GNG4: variants seen among roughly 807,000 people sequenced by gnomAD.
GNG4 encodes G protein subunit gamma 4.
Under a neutral mutation model 5.8 loss-of-function variants are expected in GNG4, and 4 were observed. That is an observed-to-expected ratio of 0.69 (90% CI 0.34 to 1.57). The LOEUF (loss-of-function observed/expected upper bound fraction) is 1.57, where lower values mean the gene tolerates loss of function less well. Ranked by LOEUF, GNG4 falls within the 40% of genes most tolerant of loss-of-function variation. The pLI is 0.06. For synonymous variants in GNG4, 29 were observed against 32.9 expected, an observed-to-expected ratio of 0.88 and a Z score of 0.41; for missense variants, 96 against 95.1, an observed-to-expected ratio of 1.01 and a Z score of -0.04.
At chr1:235,602,948 G>T (rs979227817) in intron 1 of GNG4, among the ~76,000 whole-genome samples, 2 of 152,104 alleles carry the variant, frequency 1.3e-5, no homozygotes, top group Admixed American at 6.6e-5. Flanking sequence ...TCCACACAGG[G>T]ATCTAAAAGG....
At chr1:235,617,130 G>A (rs1321197344) in intron 1 of GNG4, among the ~76,000 whole-genome samples, 2 of 152,108 alleles carry the variant, frequency 1.3e-5, no homozygotes, top group Admixed American at 6.6e-5. Context: ...ATATCAAGAG[G>A]TGAATCCATA....
At chr1:235,590,611 CCT>C (rs547408209) in intron 2 of GNG4, among the ~76,000 whole-genome samples, 139 of 152,284 alleles carry the variant, frequency 9.1e-4, no homozygotes, top group African/African-American at 3.1e-3. Flanking sequence ...CTCGGCTCAC[CCT>C]GATTCTGTGT....
chr1:235,569,288 T>C (rs569399998), intron 3 of GNG4, among the ~76,000 whole-genome samples: 1 of 152,086 alleles, frequency 6.6e-6, no homozygotes, highest in East Asian at 1.9e-4. Context: ...GGCGAGTGGA[T>C]TGTTTGAGCT....
At chr1:235,570,389 C>G (rs1687301850) in intron 3 of GNG4, among the ~76,000 whole-genome samples, 1 of 133,442 alleles carries the variant, frequency 7.5e-6, no homozygotes, top group Non-Finnish European at 1.5e-5. Context: ...TTAGTTTCAC[C>G]TCTTCTTTTT....
intron 3 of GNG4, among the ~76,000 whole-genome samples, chr1:235,580,136 ATAAGT>A (rs1165953213): frequency 6.6e-6 from 1 of 152,254 alleles, no homozygotes; most frequent in African/African-American, 2.4e-5. Flanking sequence ...CTTAAGGACG[ATAAGT>A]TAAGTGAAAT....
intron 3 of GNG4, among the ~76,000 whole-genome samples, chr1:235,554,873 C>T (rs1686857138): frequency 6.7e-6 from 1 of 149,954 alleles, no homozygotes; most frequent in African/African-American, 2.5e-5. Context: ...AAAAGAACGT[C>T]TCGTCTGACT....
intron 3 of GNG4, among the ~76,000 whole-genome samples, chr1:235,579,298 G>A (rs1357148914): frequency 6.6e-6 from 1 of 151,992 alleles, no homozygotes; most frequent in South Asian, 2.1e-4. Flanking sequence ...CACAATGTAT[G>A]CCTATGTCAA....
intron 3 of GNG4, among the ~76,000 whole-genome samples, chr1:235,572,877 T>C (rs191894021): frequency 4.6e-5 from 7 of 152,186 alleles, no homozygotes; most frequent in Non-Finnish European, 7.3e-5. Context: ...AGTTTTTATG[T>C]AGTGCCTGAC....
In GNG4 at chr1:235,549,584, A is replaced by G. The variant is rs1328394156; in HGVS notation, c.*2525T>C. On this transcript the variant is annotated 3_prime_UTR_variant, in exon 4 of 4. Transcript: ENST00000391854. ...ATAAAGAGATCCTGGTCATAACTGC[A>G]CTATCAAAGGATCTGAGGTCCTAGC... is the stretch of plus-strand genomic sequence containing the variant. The G allele has an allele frequency of 1.3e-5, 2 of 152,214 alleles. No individual in the cohort carries two copies. The highest frequency in any genetic ancestry group is 4.8e-5 in the African/African-American group (2 of 41,456). The allele number at this position is 152,214 out of a possible 1,614,324, so 9.4% of individuals were successfully genotyped here.
At chr1:235,575,593 C>G (rs1217249201) in intron 3 of GNG4, among the ~76,000 whole-genome samples, 2 of 152,238 alleles carry the variant, frequency 1.3e-5, no homozygotes, top group Non-Finnish European at 2.9e-5. Context: ...AGCACACCCA[C>G]CCCACGGATG....
chr1:235,620,752 G>T (rs1163351031), intron 1 of GNG4, among the ~76,000 whole-genome samples: 1 of 152,172 alleles, frequency 6.6e-6, no homozygotes, highest in Non-Finnish European at 1.5e-5. Flanking sequence ...AGCCAGGAAG[G>T]TCTAGATCTC....
chr1:235,646,041 T>G (rs890876392), intron 1 of GNG4, among the ~76,000 whole-genome samples: 2 of 152,092 alleles, frequency 1.3e-5, no homozygotes, highest in African/African-American at 4.8e-5. Flanking sequence ...TCCCGCCTCA[T>G]GCACAGGGGG....
chr1:235,593,358 T>G lies in GNG4; in HGVS notation c.-11+2042A>C, dbSNP rs1188422120. On this transcript the variant is annotated intron_variant, in intron 2 of 3. Coordinates refer to ENST00000391854, the MANE Select transcript of GNG4 (RefSeq NM_001098722.2). Reference sequence around the variant, plus strand: ...GGTTCCATCCCCAGTGCTTCTGACCTGACCTGACTCACGGCACAGTACTTA... The same window carrying G: ...GGTTCCATCCCCAGTGCTTCTGACCGGACCTGACTCACGGCACAGTACTTA... Among the ~76,000 whole-genome samples the G allele has an allele frequency of 3.4e-4, 51 of 152,224 alleles. 1 individual carries two copies. Among genetic ancestry groups the G allele is most frequent in the Admixed American group, 3.3e-3 (50 of 15,274 alleles).
intron 1 of GNG4, among the ~76,000 whole-genome samples, chr1:235,607,601 TTAGTG>T (rs2102966497): frequency 6.6e-6 from 1 of 152,336 alleles, no homozygotes; most frequent in Non-Finnish European, 1.5e-5. Context: ...CAGTGTGAAT[TTAGTG>T]GGTCACGCGC....
intron 1 of GNG4, among the ~76,000 whole-genome samples, chr1:235,610,219 C>T (rs1242932244): frequency 6.6e-6 from 1 of 152,152 alleles, no homozygotes; most frequent in African/African-American, 2.4e-5. Context: ...CCCCTCAATT[C>T]GGGCTTCTTT....
At chr1:235,610,783 TA>T (rs556568653) in intron 1 of GNG4, among the ~76,000 whole-genome samples, 1 of 151,864 alleles carries the variant, frequency 6.6e-6, no homozygotes, top group African/African-American at 2.4e-5. Flanking sequence ...TCTGTCAAGA[TA>T]AAAAAAAGCA....
At chr1:235,646,573 G>A (rs373587297) in intron 1 of GNG4, among the ~76,000 whole-genome samples, 2 of 152,302 alleles carry the variant, frequency 1.3e-5, no homozygotes, top group African/African-American at 4.8e-5. Flanking sequence ...TGGGCCTTTG[G>A]TGACCCACAA....
chr1:235,609,071 G>T (rs974614900), intron 1 of GNG4, among the ~76,000 whole-genome samples: 1 of 152,156 alleles, frequency 6.6e-6, no homozygotes, highest in Middle Eastern at 3.4e-3. Context: ...GGCTCCAAGC[G>T]ATCTTCTTAC....
intron 3 of GNG4, among the ~76,000 whole-genome samples, chr1:235,574,671 AT>A (rs1265014233): frequency 1.3e-5 from 2 of 152,086 alleles, no homozygotes; most frequent in East Asian, 3.9e-4. Flanking sequence ...TGCATTTCCT[AT>A]TTTTTTGATT....
Sources: allele counts gnomAD v4.1 joint callset (sites outside exome capture counted in the v4.1 genomes callset), GRCh38; gene constraint gnomAD v4.1.1; transcripts MANE v1.5; gene names NCBI Gene and HGNC (gene_info 2026-07-23, HGNC 2026-07-21).